Variants in LRP1B observed in about 807,000 individuals in gnomAD.
LRP1B encodes low-density lipoprotein receptor-related protein 1B.
In LRP1B, 217 loss-of-function variants were observed where a neutral mutation model predicts 556.6. That is an observed-to-expected ratio of 0.39 (90% CI 0.35 to 0.44). The LOEUF (loss-of-function observed/expected upper bound fraction) is 0.44, where lower values mean the gene tolerates loss of function less well. Among genes scored for constraint, LRP1B ranks in the 20% least tolerant of loss-of-function variants. The pLI, the probability that LRP1B is intolerant of heterozygous loss-of-function variation, is 1.00. For synonymous variants in LRP1B, 2,047 were observed against 1,865.8 expected (o/e 1.10, Z -2.50); for missense variants, 5,053 against 5,620.8 (o/e 0.90, Z 3.23).
chr2:141,911,688 A>G (rs1016156618), intron 1 of LRP1B, among the ~76,000 whole-genome samples: 3 of 152,142 alleles, frequency 2.0e-5, no homozygotes, highest in Non-Finnish European at 4.4e-5. Context: ...CCATTGTGCT[A>G]CAGAGTGACA....
intron 6 of LRP1B, among the ~76,000 whole-genome samples, chr2:141,218,489 G>A (rs1573668483): frequency 6.6e-6 from 1 of 152,270 alleles, no homozygotes; most frequent in South Asian, 2.1e-4. Flanking sequence ...GCAGCGACAT[G>A]TATGCAGCTG....
intron 66 of LRP1B, among the ~76,000 whole-genome samples, chr2:140,412,284 G>A (rs575515400): frequency 8.2e-4 from 124 of 152,098 alleles, no homozygotes; most frequent in Non-Finnish European, 1.7e-3. Context: ...AATAATAAAC[G>A]TCTGAGATAG....
At chr2:142,024,116 AAGG>A (rs1231458563) in intron 1 of LRP1B, among the ~76,000 whole-genome samples, 1 of 152,192 alleles carries the variant, frequency 6.6e-6, no homozygotes, top group African/African-American at 2.4e-5. Context: ...CTGTGAATGA[AAGG>A]AGTTTGCCTA....
chr2:140,969,241 T>G (rs542882267), intron 18 of LRP1B, among the ~76,000 whole-genome samples: 2 of 152,224 alleles, frequency 1.3e-5, no homozygotes, highest in African/African-American at 4.8e-5. Flanking sequence ...ATATTTAAGA[T>G]AGTTAGCTCT....
intron 66 of LRP1B, among the ~76,000 whole-genome samples, chr2:140,395,580 G>C (rs1684211920): frequency 6.6e-6 from 1 of 152,158 alleles, no homozygotes; most frequent in African/African-American, 2.4e-5. Flanking sequence ...ATCCCAGTGA[G>C]AGCCAACCAC....
At position 141,346,992 on chromosome 2, in the gene LRP1B, C is replaced by T. The variant is rs149928403; in HGVS notation, c.344-92351G>A. On this transcript the variant is annotated intron_variant, in intron 3 of 90. Coordinates refer to ENST00000389484, the MANE Select transcript of LRP1B (RefSeq NM_018557.3). ...GCATATAAAATTCACCATCTTTAAC[C>T]GGAATAAAAATTTTCACATCAACAT... Among the ~76,000 whole-genome samples, 736 of 151,836 alleles carry T rather than the reference C, an allele frequency of 4.8e-3. 9 individuals carry two copies. Among genetic ancestry groups the T allele is most frequent in the African/African-American group, 0.016 (659 of 41,410 alleles).
At chr2:141,205,764 T>C in intron 6 of LRP1B, among the ~76,000 whole-genome samples, 1 of 152,198 alleles carries the variant, frequency 6.6e-6, no homozygotes, top group East Asian at 1.9e-4. Flanking sequence ...AAAATTTAAC[T>C]AGAAATGGTT....
chr2:141,754,902 C>G (rs1329206144), intron 2 of LRP1B, among the ~76,000 whole-genome samples: 3 of 152,004 alleles, frequency 2.0e-5, no homozygotes, highest in Non-Finnish European at 2.9e-5. Context: ...AGGATTTCCT[C>G]CAAAATATCT....
chr2:142,068,804 T>C (rs1333420596), intron 1 of LRP1B, among the ~76,000 whole-genome samples: 1 of 151,574 alleles, frequency 6.6e-6, no homozygotes, highest in Non-Finnish European at 1.5e-5. Context: ...CTGTCTTTCC[T>C]TTTCCAAATT....
chr2:141,483,258 C>T (rs1158475647), intron 2 of LRP1B, among the ~76,000 whole-genome samples: 5 of 150,886 alleles, frequency 3.3e-5, no homozygotes, highest in Non-Finnish European at 5.9e-5. Context: ...TGATGGTTTC[C>T]AGTTTCATCC....
chr2:141,370,037 C>T (rs2105588585), intron 3 of LRP1B, among the ~76,000 whole-genome samples: 1 of 152,230 alleles, frequency 6.6e-6, no homozygotes, highest in Non-Finnish European at 1.5e-5. Context: ...TTTATCCATT[C>T]CTCCATTGAT....
intron 25 of LRP1B, among the ~76,000 whole-genome samples, chr2:140,874,625 T>C (rs1693245952): frequency 1.8e-5 from 2 of 111,966 alleles, no homozygotes; most frequent in Admixed American, 9.7e-5. Flanking sequence ...TTAATTTTTC[T>C]TTTTTTTTTA....
intron 35 of LRP1B, among the ~76,000 whole-genome samples, chr2:140,728,853 C>G (rs1418136369): frequency 1.3e-5 from 2 of 152,040 alleles, no homozygotes; most frequent in Admixed American, 6.6e-5. Context: ...CTTAACCTTT[C>G]TTTTTAGTGT....
chr2:140,544,912 T>C (rs923328006), intron 43 of LRP1B, among the ~76,000 whole-genome samples: 1 of 151,912 alleles, frequency 6.6e-6, no homozygotes, highest in Non-Finnish European at 1.5e-5. Flanking sequence ...TTTTCCACAA[T>C]GGTTGAAAAC....
At chr2:141,017,479 G>A (rs780880738) in intron 12 of LRP1B, among the ~76,000 whole-genome samples, 4 of 150,178 alleles carry the variant, frequency 2.7e-5, no homozygotes, top group South Asian at 2.1e-4. Context: ...ACACACACAC[G>A]CACACACGAG....
At chr2:140,356,796 C>T (rs536219323) in intron 74 of LRP1B, among the ~76,000 whole-genome samples, 3 of 151,606 alleles carry the variant, frequency 2.0e-5, no homozygotes, top group East Asian at 1.9e-4. Flanking sequence ...TATTATAGTA[C>T]GATATATGAG....
At chr2:141,743,260 C>A (rs1370685305) in intron 2 of LRP1B, among the ~76,000 whole-genome samples, 1 of 151,976 alleles carries the variant, frequency 6.6e-6, no homozygotes, top group Non-Finnish European at 1.5e-5. Flanking sequence ...TGTTGAATCA[C>A]CCTTGTATCC....
intron 2 of LRP1B, among the ~76,000 whole-genome samples, chr2:141,612,750 T>A (rs887389274): frequency 4.6e-5 from 7 of 152,194 alleles, no homozygotes; most frequent in African/African-American, 7.2e-5. Flanking sequence ...CGCCTTCGCA[T>A]CACTCAGTTT....
Position 140,247,045 on chromosome 2 carries a change from TAC to T in LRP1B, c.13324+39_13324+40del. The T allele has an allele frequency of 3.0e-6, 4 of 1,351,660 alleles. No homozygotes were observed. In the South Asian group the frequency reaches 4.7e-5, roughly 16 times the overall value. 83.7% of individuals were successfully genotyped at this position (1,351,660 alleles called of 1,614,324 possible). On this transcript the variant is annotated intron_variant, in intron 87 of 90. Transcript: ENST00000389484. ...AATAATGACATAACAATGATTTATA[TAC>T]AGTGTAGATTACCCAAAATATTAAT...
Sources: gnomAD v4.1 joint callset for allele counts (sites outside exome capture counted in the v4.1 genomes callset) on GRCh38, gnomAD v4.1.1 for gene constraint, MANE v1.5 for transcripts, NCBI Gene and HGNC (gene_info 2026-07-23, HGNC 2026-07-21) for gene names.